The following PHAF1 variants were observed in gnomAD, a reference collection of about 807,000 sequenced individuals.
The protein encoded by PHAF1 is phagosome assembly factor 1.
A neutral mutation model predicts 63.1 loss-of-function variants in PHAF1; 23 were observed. That is an observed-to-expected ratio of 0.36 (90% CI 0.26 to 0.52). The LOEUF (loss-of-function observed/expected upper bound fraction) is 0.52, where lower values mean the gene tolerates loss of function less well. PHAF1 is among the 20% of genes least tolerant of loss of function. PHAF1 has a pLI of 0.93. For synonymous variants in PHAF1, 167 were observed against 185.0 expected, an observed-to-expected ratio of 0.90 and a Z score of 0.79; for missense variants, 427 against 517.2, an observed-to-expected ratio of 0.83 and a Z score of 1.69.
chr16:67,145,555 C>G lies in PHAF1; in HGVS notation c.1051-15C>G, dbSNP rs1212712912. The G allele has an allele frequency of 6.2e-7, 1 of 1,614,082 alleles. No homozygotes were observed. The highest frequency in any genetic ancestry group is 1.1e-5 in the South Asian group (1 of 91,074). On this transcript the variant is annotated splice_polypyrimidine_tract_variant and intron_variant, in intron 13 of 15. Coordinates refer to ENST00000219139, the MANE Select transcript of PHAF1 (RefSeq NM_025187.5). ...TGTCCCTACTAACCCCTGCTCCCCTCTATCCCTCTTGCAGTGGGACAACAT... is the reference window on the plus strand; with the variant it reads ...TGTCCCTACTAACCCCTGCTCCCCTGTATCCCTCTTGCAGTGGGACAACAT...
chr16:67,145,517 A>G (rs902884493), intron 13 of PHAF1, 53 bp from the exon 14 acceptor site: 7 of 1,612,964 alleles, frequency 4.3e-6, no homozygotes, highest in Admixed American at 1.7e-5. Flanking sequence ...GCCATTGGTC[A>G]CAGACATGTT....
chr16:67,121,785 G>C (rs1486320450), intron 2 of PHAF1, among the ~76,000 whole-genome samples: 5 of 151,528 alleles, frequency 3.3e-5, no homozygotes, highest in African/African-American at 1.2e-4. Flanking sequence ...TCTCCGTGTT[G>C]GTCAGGCTGG....
chr16:67,110,388 TA>T (rs1962463123), intron 1 of PHAF1, 149 bp downstream of exon 1: 1 of 848,694 alleles, frequency 1.2e-6, no homozygotes, highest in Non-Finnish European at 1.8e-6. Flanking sequence ...AGGCACTAGA[TA>T]CCCGCTCCAA....
chr16:67,143,965 G>T (rs1009453061), intron 10 of PHAF1, among the ~76,000 whole-genome samples: 6 of 152,076 alleles, frequency 3.9e-5, no homozygotes, highest in Non-Finnish European at 7.4e-5. Context: ...AGCCAGGCGT[G>T]GTGGTGGGCG....
At chr16:67,123,721 G>T (rs865864094) in intron 2 of PHAF1, among the ~76,000 whole-genome samples, 2 of 152,020 alleles carry the variant, frequency 1.3e-5, no homozygotes, top group African/African-American at 4.8e-5. Flanking sequence ...CTTAAATTTG[G>T]GTCCTGTCCT....
Position 67,131,298 on chromosome 16 carries a change from T to C in PHAF1, c.244T>C (p.Cys82Arg), listed in dbSNP as rs1963390501. The change falls in exon 4 of 16, where the codon TGT becomes CGT. Residue 82 changes from cysteine (C) to arginine (R), a missense_variant. By Grantham distance (180) the Cys-to-Arg change is radical. Transcript: ENST00000219139. ...FNQRLKVIEV[C>R]DLTKVKLKYC... ...AACTTTTTTTTAGGTGATCGAAGTA[T>C]GTGATTTGACTAAAGTAAAGTTAAA... is the stretch of plus-strand genomic sequence containing the variant. 8 of 1,597,446 alleles carry C rather than the reference T, an allele frequency of 5.0e-6. No individual in the cohort carries two copies. The highest frequency in any genetic ancestry group is 1.3e-5 in the African/African-American group (1 of 74,296).
intron 1 of PHAF1, among the ~76,000 whole-genome samples, chr16:67,115,330 G>A (rs1962693443): frequency 1.3e-5 from 2 of 152,178 alleles, no homozygotes; most frequent in Admixed American, 1.3e-4. Context: ...AGGCAGTGAG[G>A]GAAGTGAGGT....
At chr16:67,124,955 G>C (rs183014878) in intron 2 of PHAF1, among the ~76,000 whole-genome samples, 2 of 151,972 alleles carry the variant, frequency 1.3e-5, no homozygotes, top group African/African-American at 4.8e-5. Flanking sequence ...TGTTAAAGAA[G>C]GGTGGGGTTT....
At chr16:67,138,472 A>G (rs1963687068) in intron 8 of PHAF1, among the ~76,000 whole-genome samples, 1 of 151,884 alleles carries the variant, frequency 6.6e-6, no homozygotes, top group African/African-American at 2.4e-5. Flanking sequence ...AGTGATTATC[A>G]TGGCACCAAG....
At chr16:67,110,854 A>G (rs1268881001) in intron 1 of PHAF1, among the ~76,000 whole-genome samples, 1 of 152,020 alleles carries the variant, frequency 6.6e-6, no homozygotes, top group Non-Finnish European at 1.5e-5. Context: ...TCTGTCGCCC[A>G]GGCTGGAGTG....
intron 8 of PHAF1, among the ~76,000 whole-genome samples, chr16:67,136,736 C>A (rs907038352): frequency 2.0e-5 from 3 of 151,970 alleles, no homozygotes; most frequent in Non-Finnish European, 4.4e-5. Flanking sequence ...GTGCACACCA[C>A]CACACCCAGC....
chr16:67,143,708 T>C (rs1232546364), intron 10 of PHAF1, among the ~76,000 whole-genome samples: 2 of 152,126 alleles, frequency 1.3e-5, no homozygotes, highest in Non-Finnish European at 2.9e-5. Context: ...ACGGAGCTTA[T>C]ATTCAGAGGG....
At chr16:67,139,838 G>T (rs958131583) in intron 8 of PHAF1, 146 bp from the exon 9 acceptor site, 10 of 833,976 alleles carry the variant, frequency 1.2e-5, no homozygotes, top group Non-Finnish European at 1.7e-5. Flanking sequence ...TTAAGCCCTG[G>T]TGACCTGATG....
At chr16:67,142,051 A>G (rs1422159038) in intron 10 of PHAF1, among the ~76,000 whole-genome samples, 1 of 152,232 alleles carries the variant, frequency 6.6e-6, no homozygotes, top group African/African-American at 2.4e-5. Context: ...GAGGAGCTTT[A>G]TTGGGCAACA....
chr16:67,129,230 A>G (rs1597201062), intron 3 of PHAF1, among the ~76,000 whole-genome samples: 1 of 152,268 alleles, frequency 6.6e-6, no homozygotes, highest in African/African-American at 2.4e-5. Context: ...ACTTCTTTTC[A>G]TGCTTTCAAG....
chr16:67,119,842 G>T (rs776929163), intron 1 of PHAF1, among the ~76,000 whole-genome samples: 2 of 152,028 alleles, frequency 1.3e-5, no homozygotes, highest in Non-Finnish European at 2.9e-5. Context: ...CATGATTTTT[G>T]TGATATCCAC....
Position 67,131,272 on chromosome 16 carries a change from A to C in PHAF1, c.232-14A>C. ...CACTTTCAGAGCATTGACAACTCTTAAACTTTTTTTTAGGTGATCGAAGTA... is the reference window on the plus strand; with the variant it reads ...CACTTTCAGAGCATTGACAACTCTTCAACTTTTTTTTAGGTGATCGAAGTA... On this transcript the variant is annotated splice_polypyrimidine_tract_variant and intron_variant, in intron 3 of 15. Transcript: ENST00000219139. The C allele has an allele frequency of 6.4e-7, 1 of 1,572,306 alleles. No individual in the cohort carries two copies. Among genetic ancestry groups the C allele is most frequent in the Non-Finnish European group, 8.7e-7 (1 of 1,154,228 alleles).
intron 12 of PHAF1, 124 bp from the exon 13 acceptor site, chr16:67,145,252 G>A (rs1051704462): frequency 3.8e-5 from 42 of 1,115,552 alleles, no homozygotes; most frequent in Non-Finnish European, 5.1e-5. Context: ...AAAACAGCCT[G>A]TTAATCCTCC....
chr16:67,131,255 G>A, intron 3 of PHAF1, 31 bp from the exon 4 acceptor site: 1 of 1,420,416 alleles, frequency 7.0e-7, no homozygotes, highest in African/African-American at 1.5e-5. Context: ...ATCACTTTCA[G>A]AGCATTGACA....
Sources: allele counts gnomAD v4.1 joint callset (sites outside exome capture counted in the v4.1 genomes callset), GRCh38; gene constraint gnomAD v4.1.1; transcripts MANE v1.5; gene names NCBI Gene and HGNC (gene_info 2026-07-23, HGNC 2026-07-21).